The following AHI1 variants were observed in gnomAD, a reference collection of about 807,000 sequenced individuals.
AHI1 encodes the protein Abelson helper integration site 1, also known as jouberin.
A neutral mutation model predicts 149.3 loss-of-function variants in AHI1; 123 were observed. The ratio of observed to expected loss-of-function variants is 0.82; its 90% confidence interval spans 0.71 to 0.96. The LOEUF is 0.96. AHI1 is among the 40% of genes least tolerant of loss of function. The pLI is 0.00. For synonymous variants in AHI1, 475 were observed against 459.8 expected, an observed-to-expected ratio of 1.03 and a Z score of -0.42; for missense variants, 1,439 against 1,422.7, an observed-to-expected ratio of 1.01 and a Z score of -0.18.
At chr6:135,471,936 T>C (rs892135038) in intron 5 of AHI1, among the ~76,000 whole-genome samples, 2 of 136,056 alleles carry the variant, frequency 1.5e-5, no homozygotes, top group African/African-American at 2.8e-5. Flanking sequence ...GGCGTGAACC[T>C]GGGAAGCGGA....
intron 5 of AHI1, among the ~76,000 whole-genome samples, chr6:135,471,666 AG>A (rs202132502): frequency 2.4e-4 from 1 of 4,162 alleles, no homozygotes; most frequent in South Asian, 0.014. Flanking sequence ...TAAATGATTC[AG>A]GTTTTTTTTT....
At chr6:135,311,362 TA>T (rs1234209214) in intron 26 of AHI1, among the ~76,000 whole-genome samples, 1 of 149,100 alleles carries the variant, frequency 6.7e-6, no homozygotes, top group East Asian at 2.0e-4. Flanking sequence ...AGCAGAATCT[TA>T]AGTATGATCC....
intron 11 of AHI1, 95 bp downstream of exon 11, chr6:135,453,246 T>C (rs1451060623): frequency 3.2e-6 from 3 of 935,254 alleles, no homozygotes; most frequent in African/African-American, 3.3e-5. Context: ...CCTTAGATTC[T>C]AATTCCTTAT....
Position 135,457,725 on chromosome 6 carries a change from G to A in AHI1, c.932-12C>T, listed in dbSNP as rs1562220137. 9 of 1,589,582 alleles carry A rather than the reference G, an allele frequency of 5.7e-6. No homozygotes were observed. The highest frequency in any genetic ancestry group is 3.5e-5 in the Admixed American group (2 of 57,032). ...ATTATTATCTGCAACTACACGCATG[G>A]AAAAAAAAATCAATGTTATAATTAG... On this transcript the variant is annotated splice_polypyrimidine_tract_variant and intron_variant, in intron 8 of 28. Transcript: ENST00000265602.
chr6:135,295,433 C>A (rs1255636926), intron 27 of AHI1, among the ~76,000 whole-genome samples: 1 of 152,156 alleles, frequency 6.6e-6, no homozygotes, highest in Non-Finnish European at 1.5e-5. Flanking sequence ...AAAGCATAAC[C>A]TTCTTCAATG....
chr6:135,485,077 T>TC (rs1217616792), intron 5 of AHI1, among the ~76,000 whole-genome samples: 2 of 151,874 alleles, frequency 1.3e-5, no homozygotes, highest in East Asian at 1.9e-4. Context: ...CAATTTCTTT[T>TC]TTTTTTTTTT....
chr6:135,492,847 TG>T (rs1795442431), intron 3 of AHI1: 1 of 985,276 alleles, frequency 1.0e-6, no homozygotes, highest in African/African-American at 1.7e-5. Context: ...CTCAAAACCA[TG>T]GTTCAACTCA....
intron 24 of AHI1, among the ~76,000 whole-genome samples, chr6:135,347,921 C>T (rs1791477374): frequency 6.6e-6 from 1 of 152,182 alleles, no homozygotes; most frequent in Admixed American, 6.5e-5. Context: ...GACAAGAAAA[C>T]TTTATGAAGT....
chr6:135,291,159 A>C (rs1782311234), intron 27 of AHI1, among the ~76,000 whole-genome samples: 1 of 152,146 alleles, frequency 6.6e-6, no homozygotes, highest in South Asian at 2.1e-4. Flanking sequence ...AAAAAGGAAA[A>C]CTGAAGAATG....
chr6:135,416,373 T>C (rs1583126106), intron 20 of AHI1, among the ~76,000 whole-genome samples: 1 of 151,938 alleles, frequency 6.6e-6, no homozygotes, highest in East Asian at 1.9e-4. Context: ...AGTGCCTTTT[T>C]TTTTTGCCTG....
chr6:135,493,957 C>T (rs974083814), intron 3 of AHI1, among the ~76,000 whole-genome samples: 1 of 152,172 alleles, frequency 6.6e-6, no homozygotes, highest in Non-Finnish European at 1.5e-5. Context: ...GCAGGAAAAT[C>T]GCTTGAACCT....
At chr6:135,304,856 G>A (rs1458620837) in intron 26 of AHI1, among the ~76,000 whole-genome samples, 1 of 152,130 alleles carries the variant, frequency 6.6e-6, no homozygotes, top group African/African-American at 2.4e-5. Context: ...ACTTATCTGT[G>A]GGGCAGCATA....
In AHI1 at chr6:135,411,437, G is replaced by C; in HGVS notation, c.2872C>G (p.Gln958Glu). The C allele has an allele frequency of 6.2e-7, 1 of 1,613,838 alleles. No individual in the cohort carries two copies. The highest frequency in any genetic ancestry group is 8.5e-7 in the Non-Finnish European group (1 of 1,179,770). Reference sequence around the variant, plus strand: ...AATTCATCAATCTGAAAAGAGCCTTGATGGGGTAGTTTTGGACAGGTACAT... The same window carrying C: ...AATTCATCAATCTGAAAAGAGCCTTCATGGGGTAGTTTTGGACAGGTACAT... ...ALCTCPKLPH[Q>E]GSFQIDEFVH... is the part of the protein sequence containing the mutation. The change falls in exon 21 of 29, where the codon CAA becomes GAA. Residue 958 changes from glutamine to glutamate, a missense_variant. Coordinates refer to ENST00000265602, the MANE Select transcript of AHI1 (RefSeq NM_001134831.2).
chr6:135,400,728 A>T (rs1307726148), intron 22 of AHI1, among the ~76,000 whole-genome samples: 1 of 152,216 alleles, frequency 6.6e-6, no homozygotes, highest in Non-Finnish European at 1.5e-5. Context: ...ATATCTCCGC[A>T]GGTAGCTTTC....
intron 26 of AHI1, chr6:135,302,628 C>T: frequency 8.7e-7 from 1 of 1,144,242 alleles, no homozygotes; most frequent in Non-Finnish European, 1.1e-6. Context: ...AGAAGGGGGT[C>T]CACATTACAA....
At chr6:135,396,587 G>T (rs1348142060) in intron 22 of AHI1, among the ~76,000 whole-genome samples, 3 of 151,748 alleles carry the variant, frequency 2.0e-5, no homozygotes, top group African/African-American at 7.2e-5. Context: ...AGGTATTTAT[G>T]ATGTCATATG....
In AHI1 at chr6:135,411,636, G is replaced by A. The variant is rs1017355378; in HGVS notation, c.2765-92C>T. ...AGCATTCAACAAATAATCAGAAACTGCATAACACATCTTAAAAACTGGGTA... is the reference window on the plus strand; with the variant it reads ...AGCATTCAACAAATAATCAGAAACTACATAACACATCTTAAAAACTGGGTA... On this transcript the variant is annotated intron_variant, in intron 20 of 28. Transcript: ENST00000265602. 9.9e-6 allele frequency: 10 copies of A among 1,013,260 alleles called. No homozygotes were observed. The African/African-American group carries it at 1.3e-4, about 13-fold the overall frequency. 62.8% of individuals were successfully genotyped at this position (1,013,260 alleles called of 1,614,324 possible).
At chr6:135,457,123 A>G (rs1276790054) in intron 9 of AHI1, among the ~76,000 whole-genome samples, 1 of 152,028 alleles carries the variant, frequency 6.6e-6, no homozygotes, top group Non-Finnish European at 1.5e-5. Context: ...GCCTCCACTA[A>G]AAATACAAAA....
intron 26 of AHI1, chr6:135,301,268 C>T (rs1783847970): frequency 1.0e-6 from 1 of 983,384 alleles, no homozygotes; most frequent in African/African-American, 1.7e-5. Context: ...ATTCGTTTAA[C>T]ACTCACAAAG....
Sources: gnomAD v4.1 joint callset for allele counts (sites outside exome capture counted in the v4.1 genomes callset) on GRCh38, gnomAD v4.1.1 for gene constraint, MANE v1.5 for transcripts, NCBI Gene and HGNC (gene_info 2026-07-23, HGNC 2026-07-21) for gene names.